The following BORCS5 variants were observed in gnomAD, a reference collection of about 807,000 sequenced individuals.
The protein encoded by BORCS5 is BLOC-1 related complex subunit 5.
A neutral mutation model predicts 22.1 loss-of-function variants in BORCS5; 17 were observed. That is an observed-to-expected ratio of 0.77 (90% CI 0.53 to 1.15). BORCS5 has a LOEUF of 1.15. BORCS5 is among the 50% of genes most tolerant of loss of function. The pLI is 0.00. For synonymous variants in BORCS5, 117 were observed against 99.8 expected, an observed-to-expected ratio of 1.17 and a Z score of -1.03; for missense variants, 247 against 253.2, an observed-to-expected ratio of 0.98 and a Z score of 0.17.
chr12:12,417,983 A>G (rs199814194), intron 2 of BORCS5, among the ~76,000 whole-genome samples: 2,879 of 142,472 alleles, frequency 0.02, 92 homozygotes, highest in African/African-American at 0.069. Context: ...TTGCTATATC[A>G]AACCATTTAT....
At chr12:12,408,621 C>A (rs112751509) in intron 2 of BORCS5, among the ~76,000 whole-genome samples, 1,797 of 152,282 alleles carry the variant, frequency 0.012, 27 homozygotes, top group South Asian at 0.028. Flanking sequence ...TTTGACTTTT[C>A]TGTGTACTTC....
chr12:12,405,982 C>G (rs1941586686), intron 2 of BORCS5, among the ~76,000 whole-genome samples: 1 of 152,272 alleles, frequency 6.6e-6, no homozygotes, highest in Non-Finnish European at 1.5e-5. Flanking sequence ...AACTGAGCCA[C>G]TGCCAAGTAC....
chr12:12,409,833 T>G (rs1183939324), intron 2 of BORCS5, among the ~76,000 whole-genome samples: 7 of 151,290 alleles, frequency 4.6e-5, no homozygotes, highest in African/African-American at 1.7e-4. Context: ...TGAACTAGTT[T>G]ACAGTCCCAC....
chr12:12,417,121 G>A (rs12304547), intron 2 of BORCS5, among the ~76,000 whole-genome samples: 1 of 151,914 alleles, frequency 6.6e-6, no homozygotes, highest in Non-Finnish European at 1.5e-5. Context: ...TTCCCCCTTA[G>A]CATTGCTTTC....
At position 12,471,023 on chromosome 12, in the gene BORCS5, CAG is replaced by C. The variant is rs1395091316; in HGVS notation, c.*5251_*5252del. On this transcript the variant is annotated 3_prime_UTR_variant, in exon 4 of 4. Transcript: ENST00000314565. Reference sequence around the variant, plus strand: ...GTCTTTGGAATTGTCATAATTCTGACAGAGAACACAGACCATTACTGAATGCT... The same window carrying C: ...GTCTTTGGAATTGTCATAATTCTGACAGAACACAGACCATTACTGAATGCT... Among the ~76,000 whole-genome samples, 1 of 152,190 alleles carries C rather than the reference CAG, an allele frequency of 6.6e-6. No homozygotes were observed. Among genetic ancestry groups the C allele is most frequent in the African/African-American group, 2.4e-5 (1 of 41,438 alleles).
rs534819174 is a variant in BORCS5 at position 12,371,958 on chromosome 12, T to TC, written c.202+10614dup. Among the ~76,000 whole-genome samples, 661 of 152,328 alleles carry TC rather than the reference T, an allele frequency of 4.3e-3. 7 individuals carry two copies. Among genetic ancestry groups the TC allele is most frequent in the Non-Finnish European group, 7.8e-3 (531 of 68,028 alleles). The stretch of plus-strand genomic sequence containing the variant: ...GCTGGTATTTTTCAGCTTTAGATTC[T>TC]CCCCCTTAAATGTCTTTGATCTCTC... On this transcript the variant is annotated intron_variant, in intron 2 of 3. Coordinates refer to ENST00000314565, the MANE Select transcript of BORCS5 (RefSeq NM_058169.6).
At chr12:12,372,586 T>C (rs1212601539) in intron 2 of BORCS5, among the ~76,000 whole-genome samples, 1 of 152,158 alleles carries the variant, frequency 6.6e-6, no homozygotes, top group East Asian at 1.9e-4. Context: ...CTTGTAGTCA[T>C]TTGGACCCTT....
At chr12:12,453,830 C>T (rs996820341) in intron 3 of BORCS5, among the ~76,000 whole-genome samples, 1 of 152,212 alleles carries the variant, frequency 6.6e-6, no homozygotes, top group Non-Finnish European at 1.5e-5. Flanking sequence ...TCAGCAGTCA[C>T]TCCCCATACC....
chr12:12,412,473 T>A (rs1941761073), intron 2 of BORCS5, among the ~76,000 whole-genome samples: 1 of 152,222 alleles, frequency 6.6e-6, no homozygotes, highest in East Asian at 1.9e-4. Flanking sequence ...CTTTGTATCC[T>A]GCCACTTTGG....
At chr12:12,369,464 C>G (rs1863474588) in intron 2 of BORCS5, among the ~76,000 whole-genome samples, 1 of 151,900 alleles carries the variant, frequency 6.6e-6, no homozygotes, top group African/African-American at 2.4e-5. Context: ...GTGCTGTGTG[C>G]TTTTGGTTAC....
rs115089411 is a variant in BORCS5 at position 12,364,480 on chromosome 12, G to T, written c.202+3131G>T. 1.8e-3 allele frequency among the ~76,000 whole-genome samples: 274 copies of T among 152,308 alleles called. 1 individual carries two copies. The highest frequency in any genetic ancestry group is 6.4e-3 in the African/African-American group (265 of 41,576). On this transcript the variant is annotated intron_variant, in intron 2 of 3. Transcript: ENST00000314565. Reference sequence around the variant, plus strand: ...TCTTCACGTTGAGTAGGCCGAGAAGGAGGAAAAGGAGGGGTTAGTTTTGCT... The same window carrying T: ...TCTTCACGTTGAGTAGGCCGAGAAGTAGGAAAAGGAGGGGTTAGTTTTGCT...
Position 12,469,548 on chromosome 12 carries a change from TG to T in BORCS5, c.*3774del, listed in dbSNP as rs773750699. 2.0e-5 allele frequency: 3 copies of T among 152,262 alleles called. No homozygotes were observed. The highest frequency in any genetic ancestry group is 4.4e-5 in the Non-Finnish European group (3 of 68,050). 9.4% of individuals were successfully genotyped at this position (152,262 alleles called of 1,614,324 possible). ...GGTTTTACAAGGTTACATAAACTAA[TG>T]GCCCTGGGGCGAATGACGTATGCCA... On this transcript the variant is annotated 3_prime_UTR_variant, in exon 4 of 4. Coordinates refer to ENST00000314565, the MANE Select transcript of BORCS5 (RefSeq NM_058169.6).
At chr12:12,363,593 CG>C (rs1257076251) in intron 2 of BORCS5, among the ~76,000 whole-genome samples, 5 of 152,064 alleles carry the variant, frequency 3.3e-5, no homozygotes, top group Non-Finnish European at 7.4e-5. Flanking sequence ...AAAAATTAGC[CG>C]GGTGTGGTGG....
chr12:12,371,573 C>T (rs1187542188), intron 2 of BORCS5, among the ~76,000 whole-genome samples: 1 of 152,216 alleles, frequency 6.6e-6, no homozygotes, highest in Non-Finnish European at 1.5e-5. Context: ...GGATTGCAGG[C>T]ATGAGCCACC....
intron 2 of BORCS5, among the ~76,000 whole-genome samples, chr12:12,389,451 T>C (rs1863953822): frequency 2.0e-5 from 3 of 149,988 alleles, no homozygotes; most frequent in Admixed American, 1.3e-4. Context: ...TAAATATATT[T>C]TTAATGCACA....
chr12:12,431,251 T>C (rs1942416802), intron 2 of BORCS5, among the ~76,000 whole-genome samples: 1 of 152,212 alleles, frequency 6.6e-6, no homozygotes, highest in South Asian at 2.1e-4. Context: ...TTTACCAATT[T>C]GACAGGTGAA....
chr12:12,390,930 G>T (rs986705853), intron 2 of BORCS5, among the ~76,000 whole-genome samples: 2 of 151,984 alleles, frequency 1.3e-5, no homozygotes, highest in African/African-American at 4.8e-5. Flanking sequence ...TTAATGAATT[G>T]TAAAGAACAG....
chr12:12,425,109 C>T lies in BORCS5; in HGVS notation c.203-10519C>T, dbSNP rs570543601. ...TTAGAGGACAGGGTCCTTTTCTCCC[C>T]TGCTGTCTCCCACAAACTGTGTGCA... On this transcript the variant is annotated intron_variant, in intron 2 of 3. Coordinates refer to ENST00000314565, the MANE Select transcript of BORCS5 (RefSeq NM_058169.6). 5.9e-5 allele frequency among the ~76,000 whole-genome samples: 9 copies of T among 152,308 alleles called. No individual in the cohort carries two copies. In the East Asian group the frequency reaches 1.3e-3, roughly 23 times the overall value.
At position 12,435,629 on chromosome 12, in the gene BORCS5, G is replaced by A. The variant is rs1250229657; in HGVS notation, c.204G>A (p.Gly68=). The change falls in exon 3 of 4, where the codon GGG becomes GGA. Residue 68 remains glycine, a splice_region_variant and synonymous_variant. Coordinates refer to ENST00000314565, the MANE Select transcript of BORCS5 (RefSeq NM_058169.6). ...EIPTFQPLLK[G]LLSGQTSPTN... is the part of the protein sequence containing the mutation. ...ATTTCATTTTTTTCTCCTTTGAAGG[G>A]CTATTGAGTGGCCAGACTTCCCCAA... is the stretch of plus-strand genomic sequence containing the variant. 1 of 1,612,460 alleles carries A rather than the reference G, an allele frequency of 6.2e-7. No individual in the cohort carries two copies. Among genetic ancestry groups the A allele is most frequent in the East Asian group, 2.2e-5 (1 of 44,800 alleles).
Sources: gnomAD v4.1 joint callset for allele counts (sites outside exome capture counted in the v4.1 genomes callset) on GRCh38, gnomAD v4.1.1 for gene constraint, MANE v1.5 for transcripts, NCBI Gene and HGNC (gene_info 2026-07-23, HGNC 2026-07-21) for gene names.